Variants in FXR1 observed in about 807,000 individuals in gnomAD.
FXR1 encodes RNA-binding protein FXR1.
In FXR1, 15 loss-of-function variants were observed where a neutral mutation model predicts 84.0. The ratio of observed to expected loss-of-function variants is 0.18; its 90% CI spans 0.12 to 0.27. FXR1 has a LOEUF of 0.27. Ranked by LOEUF, FXR1 falls within the 10% of genes least tolerant of loss-of-function variation. The pLI is 1.00. For missense variants in FXR1, 480 were observed against 774.4 expected (o/e 0.62, Z 4.51); for synonymous variants, 245 against 250.7 (o/e 0.98, Z 0.21).
chr3:180,973,239 A>G (rs1380335464), intron 15 of FXR1, among the ~76,000 whole-genome samples: 3 of 152,196 alleles, frequency 2.0e-5, no homozygotes, highest in Non-Finnish European at 4.4e-5. Flanking sequence ...CCTTTTATTT[A>G]GGTAGCGGAT....
At position 180,956,128 on chromosome 3, in the gene FXR1, G is replaced by A. The variant is rs931594741; in HGVS notation, c.881-1691G>A. On this transcript the variant is annotated intron_variant, in intron 9 of 16. Transcript: ENST00000357559. ...ATTAAAAGGGAATGAGAACACTTGG[G>A]TAAGTTCCAGAGAGGATTTCCTTAC... 2.6e-5 allele frequency among the ~76,000 whole-genome samples: 4 copies of A among 152,188 alleles called. No individual in the cohort carries two copies. In the East Asian group the frequency reaches 7.7e-4, roughly 29 times the overall value.
intron 16 of FXR1, 117 bp from the exon 17 acceptor site, chr3:180,976,005 T>C (rs769627107): frequency 1.8e-5 from 12 of 672,762 alleles, no homozygotes; most frequent in Non-Finnish European, 3.1e-5. Context: ...CTTTGATCCA[T>C]TGTGGTATAT....
At position 180,977,892 on chromosome 3, in the gene FXR1, T is replaced by A. The variant is rs1308444259; in HGVS notation, c.*1600T>A. 2 of 152,062 alleles carry A rather than the reference T, an allele frequency of 1.3e-5. No individual in the cohort carries two copies. The highest frequency in any genetic ancestry group is 6.6e-5 in the Admixed American group (1 of 15,244). The allele number at this position is 152,062 out of a possible 1,614,324, so 9.4% of individuals were successfully genotyped here. The stretch of plus-strand genomic sequence containing the variant: ...ACCCTAGCCCTCAAATTATTCTGAT[T>A]AAGGTTAAAATGTGCTGGTATTACG... On this transcript the variant is annotated 3_prime_UTR_variant, in exon 17 of 17. Transcript: ENST00000357559.
At chr3:180,943,278 T>C (rs1721332316) in intron 3 of FXR1, among the ~76,000 whole-genome samples, 1 of 142,102 alleles carries the variant, frequency 7.0e-6, no homozygotes, top group South Asian at 2.4e-4. Context: ...TTTTTTTTTT[T>C]TTTTTTTTTT....
intron 3 of FXR1, among the ~76,000 whole-genome samples, chr3:180,942,651 A>G (rs182670056): frequency 1.1e-3 from 164 of 152,234 alleles, no homozygotes; most frequent in Non-Finnish European, 1.8e-3. Flanking sequence ...TTGTGTTTTT[A>G]GGCTTCTCAT....
Position 180,948,318 on chromosome 3 carries a change from G to A in FXR1, c.271-29G>A, listed in dbSNP as rs759169200. ...AACTTCATTATTTTTGTTCAGATGG[G>A]ATTTTTAAAGTATTTTGATGTCTTT... On this transcript the variant is annotated intron_variant, in intron 4 of 16. Coordinates refer to ENST00000357559, the MANE Select transcript of FXR1 (RefSeq NM_005087.4). 5 of 1,519,218 alleles carry A rather than the reference G, an allele frequency of 3.3e-6. No homozygotes were observed. In the South Asian group the frequency reaches 4.7e-5, roughly 14 times the overall value. The allele number at this position is 1,519,218 out of a possible 1,614,324, so 94.1% of individuals were successfully genotyped here.
chr3:180,967,374 C>T (rs969257139), intron 13 of FXR1, among the ~76,000 whole-genome samples: 3 of 151,750 alleles, frequency 2.0e-5, no homozygotes, highest in East Asian at 1.9e-4. Context: ...AAAAGTATAC[C>T]CTAGAATCAA....
intron 1 of FXR1, among the ~76,000 whole-genome samples, chr3:180,913,146 G>C (rs929602481): frequency 6.6e-6 from 1 of 152,092 alleles, no homozygotes; most frequent in Non-Finnish European, 1.5e-5. Context: ...GAACTGGGCC[G>C]GGCGGGAGCT....
intron 7 of FXR1, 123 bp downstream of exon 7, chr3:180,949,466 A>T: frequency 1.5e-6 from 1 of 687,452 alleles, no homozygotes; most frequent in Non-Finnish European, 2.7e-6. Context: ...GGCTTACTGC[A>T]ACCTCCACCT....
At chr3:180,973,604 ACT>A (rs1338608211) in intron 15 of FXR1, among the ~76,000 whole-genome samples, 2 of 152,108 alleles carry the variant, frequency 1.3e-5, no homozygotes, top group Non-Finnish European at 2.9e-5. Flanking sequence ...AATATTGTAA[ACT>A]CTTTTTAATG....
At chr3:180,970,676 C>T (rs1326868499) in intron 15 of FXR1, 1 of 152,526 alleles carries the variant, frequency 6.6e-6, no homozygotes, top group South Asian at 2.1e-4. Flanking sequence ...TAAAATCAGG[C>T]TTTCATCTTG....
At chr3:180,916,845 T>TGTTTTCTTGAGACG (rs1717953824) in intron 1 of FXR1, among the ~76,000 whole-genome samples, 1 of 152,134 alleles carries the variant, frequency 6.6e-6, no homozygotes, top group African/African-American at 2.4e-5. Flanking sequence ...TACATTTTTT[T>TGTTTTCTTGAGACG]GTTTTCTTGA....
At chr3:180,954,372 G>A (rs145891054) in intron 9 of FXR1, among the ~76,000 whole-genome samples, 2 of 152,248 alleles carry the variant, frequency 1.3e-5, no homozygotes, top group East Asian at 3.9e-4. Context: ...GATAATATGA[G>A]GGGAGGTTTC....
chr3:180,966,129 T>C (rs142053876), intron 13 of FXR1, among the ~76,000 whole-genome samples: 81 of 152,288 alleles, frequency 5.3e-4, no homozygotes, highest in African/African-American at 1.9e-3. Context: ...TTGCCTTCAT[T>C]ACAACTTTTA....
At chr3:180,971,206 T>A (rs561978435) in intron 15 of FXR1, 53 of 577,716 alleles carry the variant, frequency 9.2e-5, no homozygotes, top group Admixed American at 8.8e-4. Context: ...ATGAAAAAAA[T>A]GTCTATGTCT....
chr3:180,925,490 A>G (rs1039685209), intron 1 of FXR1, among the ~76,000 whole-genome samples: 1 of 152,144 alleles, frequency 6.6e-6, no homozygotes, highest in Non-Finnish European at 1.5e-5. Context: ...AAACATTTTG[A>G]TAAGAAACCG....
chr3:180,967,234 C>T (rs1712944612), intron 13 of FXR1, among the ~76,000 whole-genome samples: 1 of 152,030 alleles, frequency 6.6e-6, no homozygotes, highest in Admixed American at 6.6e-5. Flanking sequence ...ATGGCAAAAA[C>T]CGCAATTTAA....
rs573634507 is a variant in FXR1, at chr3:180,956,572, T to C, written c.881-1247T>C. Among the ~76,000 whole-genome samples the C allele has an allele frequency of 2.0e-5, 3 of 152,318 alleles. No individual in the cohort carries two copies. The East Asian group carries it at 5.8e-4, about 29-fold the overall frequency. On this transcript the variant is annotated intron_variant, in intron 9 of 16. Coordinates refer to ENST00000357559, the MANE Select transcript of FXR1 (RefSeq NM_005087.4). The stretch of plus-strand genomic sequence containing the variant: ...TTTTCGAAAGACATTTGCTTACTTT[T>C]AGCAGGGTCAAGGATGGAGTTGCTG...
At chr3:180,919,094 C>T (rs1718239929) in intron 1 of FXR1, among the ~76,000 whole-genome samples, 1 of 152,050 alleles carries the variant, frequency 6.6e-6, no homozygotes, top group South Asian at 2.1e-4. Context: ...TTGGGAGGTT[C>T]CCAGAGAAAT....
Sources: allele counts gnomAD v4.1 joint callset (sites outside exome capture counted in the v4.1 genomes callset), GRCh38; gene constraint gnomAD v4.1.1; transcripts MANE v1.5; gene names NCBI Gene and HGNC (gene_info 2026-07-23, HGNC 2026-07-21).